Variants in ARHGAP15 observed in about 807,000 individuals in gnomAD.
ARHGAP15 encodes the protein Rho GTPase activating protein 15, also known as rho GTPase-activating protein 15.
In ARHGAP15, 51 loss-of-function variants were observed where a neutral mutation model predicts 63.7. That is an observed-to-expected ratio of 0.80 (90% CI 0.64 to 1.01). The LOEUF is 1.01. ARHGAP15 is among the 50% of genes least tolerant of loss of function. ARHGAP15 has a pLI of 0.00. For synonymous variants in ARHGAP15, 191 were observed against 193.8 expected (o/e 0.99, Z 0.12); for missense variants, 560 against 564.6 (o/e 0.99, Z 0.08).
chr2:143,379,783 G>A (rs961424513), intron 6 of ARHGAP15, among the ~76,000 whole-genome samples: 2 of 151,498 alleles, frequency 1.3e-5, no homozygotes, highest in Non-Finnish European at 2.9e-5. Flanking sequence ...ATTTAAGTAG[G>A]AAAAATAATG....
chr2:143,274,944 T>G (rs1681470369), intron 6 of ARHGAP15, among the ~76,000 whole-genome samples: 1 of 151,960 alleles, frequency 6.6e-6, no homozygotes, highest in African/African-American at 2.4e-5. Flanking sequence ...GTGGATCATT[T>G]GAGGTCAGGA....
At chr2:143,332,680 G>C in intron 6 of ARHGAP15, among the ~76,000 whole-genome samples, 1 of 152,062 alleles carries the variant, frequency 6.6e-6, no homozygotes. Flanking sequence ...GTGCTTAGAG[G>C]TTACGCCGAT....
chr2:143,288,523 T>C (rs1013675892), intron 6 of ARHGAP15, among the ~76,000 whole-genome samples: 4 of 152,140 alleles, frequency 2.6e-5, no homozygotes, highest in Non-Finnish European at 4.4e-5. Context: ...GGCTATTCAG[T>C]CTTCCTTTTA....
chr2:143,679,023 C>T (rs1338532488), intron 12 of ARHGAP15, among the ~76,000 whole-genome samples: 1 of 152,120 alleles, frequency 6.6e-6, no homozygotes, highest in Non-Finnish European at 1.5e-5. Context: ...TTAAGAAACA[C>T]TGCTTTGCTG....
At chr2:143,491,632 C>T (rs906946063) in intron 9 of ARHGAP15, among the ~76,000 whole-genome samples, 18 of 152,092 alleles carry the variant, frequency 1.2e-4, no homozygotes, top group African/African-American at 4.1e-4. Flanking sequence ...GCTTTCTAGC[C>T]TCATCTTAGT....
intron 9 of ARHGAP15, among the ~76,000 whole-genome samples, chr2:143,517,387 C>G (rs374200464): frequency 6.6e-6 from 1 of 152,132 alleles, no homozygotes; most frequent in Non-Finnish European, 1.5e-5. Flanking sequence ...TTTTGAGTAT[C>G]CCCTTATAAC....
chr2:143,766,199 G>A (rs1686941588), intron 13 of ARHGAP15, among the ~76,000 whole-genome samples: 1 of 152,160 alleles, frequency 6.6e-6, no homozygotes, highest in Admixed American at 6.5e-5. Flanking sequence ...CACGGTTTCA[G>A]TTATCCAAAG....
At chr2:143,303,177 T>C (rs997315140) in intron 6 of ARHGAP15, among the ~76,000 whole-genome samples, 1 of 151,030 alleles carries the variant, frequency 6.6e-6, no homozygotes, top group Non-Finnish European at 1.5e-5. Flanking sequence ...CTAATTAAAC[T>C]AAAGAGCTTC....
At chr2:143,395,775 G>C (rs10496949) in intron 6 of ARHGAP15, among the ~76,000 whole-genome samples, 93,500 of 151,854 alleles carry the variant, frequency 0.62, 29,291 homozygotes, top group Admixed American at 0.72. Flanking sequence ...TCTGGAAAAA[G>C]AGAATGAGAA....
chr2:143,469,705 A>G (rs544586347), intron 8 of ARHGAP15, among the ~76,000 whole-genome samples: 1 of 152,236 alleles, frequency 6.6e-6, no homozygotes, highest in Non-Finnish European at 1.5e-5. Flanking sequence ...AATGAAAAGG[A>G]TATGAGATAT....
chr2:143,431,040 T>C (rs1280147667), intron 6 of ARHGAP15, among the ~76,000 whole-genome samples: 16 of 152,190 alleles, frequency 1.1e-4, no homozygotes, highest in Non-Finnish European at 1.5e-5. Flanking sequence ...GTCTTAGATA[T>C]ATTTTTTCAT....
At chr2:143,492,482 G>A (rs1024159364) in intron 9 of ARHGAP15, among the ~76,000 whole-genome samples, 3 of 152,164 alleles carry the variant, frequency 2.0e-5, no homozygotes, top group Non-Finnish European at 4.4e-5. Flanking sequence ...ACATGGCTGA[G>A]CATGGTTGGC....
At chr2:143,219,817 A>G (rs1692915498) in intron 4 of ARHGAP15, among the ~76,000 whole-genome samples, 1 of 152,202 alleles carries the variant, frequency 6.6e-6, no homozygotes, top group Non-Finnish European at 1.5e-5. Flanking sequence ...GCTGAGGATC[A>G]CTTTATCTGT....
Position 143,468,651 on chromosome 2 carries a change from A to G in ARHGAP15, c.704-18722A>G, listed in dbSNP as rs953652594. Among the ~76,000 whole-genome samples, 88 of 126,796 alleles carry G rather than the reference A, an allele frequency of 6.9e-4. 1 individual carries two copies. The East Asian group carries it at 0.011, about 16-fold the overall frequency. 83.2% of individuals were successfully genotyped at this position (126,796 alleles called of 152,430 possible). A position where few individuals can be genotyped will look rare whatever the true frequency, so the allele number is the denominator to read the frequency against. On this transcript the variant is annotated intron_variant, in intron 8 of 13. Coordinates refer to ENST00000295095, the MANE Select transcript of ARHGAP15 (RefSeq NM_018460.4). ...TTCTTTGTGAGAGAGAGAGAGAGAG[A>G]GAGAGAGAGAGAGTGTGTGTGTGTG...
chr2:143,712,899 C>T (rs1274370939), intron 13 of ARHGAP15, among the ~76,000 whole-genome samples: 2 of 151,996 alleles, frequency 1.3e-5, no homozygotes, highest in African/African-American at 4.8e-5. Flanking sequence ...AAGAACTAAC[C>T]TGGCTTCTTC....
chr2:143,762,786 T>A (rs1686806113), intron 13 of ARHGAP15, among the ~76,000 whole-genome samples: 1 of 152,150 alleles, frequency 6.6e-6, no homozygotes, highest in East Asian at 1.9e-4. Flanking sequence ...TGGCACTCAA[T>A]TTTCTCCAAA....
At chr2:143,193,571 T>C (rs1691760100) in intron 2 of ARHGAP15, 1 of 152,640 alleles carries the variant, frequency 6.6e-6, no homozygotes, top group South Asian at 2.1e-4. Context: ...TATTCTCTAT[T>C]GACTAAAGAT....
intron 6 of ARHGAP15, among the ~76,000 whole-genome samples, chr2:143,362,950 C>G (rs1686128357): frequency 6.6e-6 from 1 of 152,176 alleles, no homozygotes; most frequent in Non-Finnish European, 1.5e-5. Flanking sequence ...TGTTCTAACT[C>G]TCCTATCCTA....
chr2:143,663,817 GA>G (rs1681981225), intron 12 of ARHGAP15, among the ~76,000 whole-genome samples: 2 of 152,084 alleles, frequency 1.3e-5, no homozygotes, highest in South Asian at 4.2e-4. Flanking sequence ...AAGGGACAAA[GA>G]AGGCCATTAC....
Sources: allele counts gnomAD v4.1 joint callset (sites outside exome capture counted in the v4.1 genomes callset), GRCh38; gene constraint gnomAD v4.1.1; transcripts MANE v1.5; gene names NCBI Gene and HGNC (gene_info 2026-07-23, HGNC 2026-07-21).